SH3KBP1: variants seen among roughly 807,000 people sequenced by gnomAD.
The protein encoded by SH3KBP1 is SH3 domain-containing kinase-binding protein 1.
SH3KBP1 carries 8 observed loss-of-function variants against 50.1 expected under a neutral mutation model. That is an observed-to-expected ratio of 0.16 (90% CI 0.09 to 0.29). SH3KBP1 has a LOEUF of 0.29. Ranked by LOEUF, SH3KBP1 falls within the 10% of genes least tolerant of loss-of-function variation. The pLI is 1.00. For synonymous variants in SH3KBP1, 227 were observed against 218.6 expected (o/e 1.04, Z -0.34); for missense variants, 377 against 535.2 (o/e 0.70, Z 2.92).
At position 19,602,915 on chromosome X, in the gene SH3KBP1, C is replaced by T. The variant is rs140713126; in HGVS notation, c.1005+5023G>A. 5.0e-3 allele frequency among the ~76,000 whole-genome samples: 555 copies of T among 111,466 alleles called. 2 individuals are homozygous for T. Among genetic ancestry groups the T allele is most frequent in the African/African-American group, 0.017 (521 of 30,638 alleles). ...AGCAAAATTCGGCCATTGTGGGAAT[C>T]GAGCAAGAGACTTCCTTTCTTGCAA... is the stretch of plus-strand genomic sequence containing the variant. On this transcript the variant is annotated intron_variant, in intron 9 of 17. Transcript: ENST00000397821.
intron 8 of SH3KBP1, among the ~76,000 whole-genome samples, chrX:19,621,384 C>T (rs756889748): frequency 1.8e-4 from 20 of 109,337 alleles, no homozygotes; most frequent in African/African-American, 6.7e-4. Context: ...CCACCATGCC[C>T]GGTCGCCAAC....
intron 16 of SH3KBP1, 90 bp downstream of exon 16, chrX:19,541,835 G>A (rs777293750): frequency 3.7e-6 from 4 of 1,073,609 alleles, no homozygotes; most frequent in Middle Eastern, 2.6e-4. Context: ...CGCCCTCCAA[G>A]GCAGGCTGGG....
chrX:19,851,802 G>A (rs1054200061), intron 1 of SH3KBP1, among the ~76,000 whole-genome samples: 2 of 112,067 alleles, frequency 1.8e-5, no homozygotes, highest in African/African-American at 6.5e-5. Flanking sequence ...GCCCTGAGTA[G>A]CTGGGATTAC....
intron 1 of SH3KBP1, among the ~76,000 whole-genome samples, chrX:19,862,675 A>T (rs1046876162): frequency 9.0e-6 from 1 of 111,010 alleles, no homozygotes; most frequent in East Asian, 2.8e-4. Context: ...AAAAAAAAAA[A>T]TTTAAATCCA....
intron 6 of SH3KBP1, among the ~76,000 whole-genome samples, chrX:19,659,790 C>T (rs2062404388): frequency 8.9e-6 from 1 of 112,356 alleles, no homozygotes; most frequent in African/African-American, 3.2e-5. Context: ...CTCACCTCCC[C>T]CATGTTCCTA....
At chrX:19,553,009 G>T (rs974082836) in intron 13 of SH3KBP1, among the ~76,000 whole-genome samples, 14 of 111,449 alleles carry the variant, frequency 1.3e-4, no homozygotes, top group Non-Finnish European at 1.7e-4. Flanking sequence ...GTGCTGGCCC[G>T]ATTTGGAGGG....
At position 19,535,726 on chromosome X, in the gene SH3KBP1, A is replaced by T. The variant is rs2064690962; in HGVS notation, c.*691T>A. 1 of 110,923 alleles carries T rather than the reference A, an allele frequency of 9.0e-6. No homozygotes were observed. Among genetic ancestry groups the T allele is most frequent in the Non-Finnish European group, 1.9e-5 (1 of 52,941 alleles). The allele number at this position is 110,923 out of a possible 1,213,427, so 9.1% of individuals were successfully genotyped here. ...TTTTAATTTTTAATTTTTTTGAATC[A>T]TGGTAGCTGCATCACAAAAGCTCCA... On this transcript the variant is annotated 3_prime_UTR_variant, in exon 18 of 18. Transcript: ENST00000397821.
At chrX:19,717,131 C>T (rs2063931623) in intron 3 of SH3KBP1, among the ~76,000 whole-genome samples, 2 of 110,980 alleles carry the variant, frequency 1.8e-5, no homozygotes, top group African/African-American at 6.6e-5. Context: ...GAAAGAATTA[C>T]ACACCCAGAG....
chrX:19,721,609 T>C (rs2148724362), intron 3 of SH3KBP1, among the ~76,000 whole-genome samples: 1 of 111,733 alleles, frequency 8.9e-6, no homozygotes, highest in East Asian at 2.8e-4. Context: ...TTACCAACAT[T>C]ATTCTGAAAA....
chrX:19,872,123 A>T (rs961854900), intron 1 of SH3KBP1, among the ~76,000 whole-genome samples: 1 of 108,113 alleles, frequency 9.2e-6, no homozygotes, highest in African/African-American at 3.4e-5. Flanking sequence ...ATGGTGACGC[A>T]TGGCTGTAAT....
intron 6 of SH3KBP1, among the ~76,000 whole-genome samples, chrX:19,675,969 A>G (rs1360160006): frequency 8.9e-6 from 1 of 111,794 alleles, no homozygotes; most frequent in Admixed American, 9.5e-5. Flanking sequence ...CTGAGGAGAG[A>G]GAAGCCAAAG....
chrX:19,797,846 C>T (rs922213806), intron 2 of SH3KBP1, among the ~76,000 whole-genome samples: 1 of 109,067 alleles, frequency 9.2e-6, no homozygotes, highest in Non-Finnish European at 1.9e-5. Context: ...ATATAAAGCA[C>T]ATAGTACAGT....
At chrX:19,670,920 C>T in intron 6 of SH3KBP1, 4 of 1,159,600 alleles carry the variant, frequency 3.4e-6, no homozygotes, top group South Asian at 2.0e-5. Context: ...CCCAGAACTC[C>T]CCTGGAATCC....
intron 1 of SH3KBP1, among the ~76,000 whole-genome samples, chrX:19,843,883 C>T (rs2068292998): frequency 9.0e-6 from 1 of 111,684 alleles, no homozygotes; most frequent in Non-Finnish European, 1.9e-5. Context: ...TAAGGATACT[C>T]TTGTCACTTG....
At chrX:19,799,352 A>G (rs1269820291) in intron 2 of SH3KBP1, among the ~76,000 whole-genome samples, 3 of 111,538 alleles carry the variant, frequency 2.7e-5, no homozygotes, top group African/African-American at 9.8e-5. Flanking sequence ...CAGATGACAG[A>G]GCTATTCAAA....
At chrX:19,742,697 C>A (rs983328127) in intron 3 of SH3KBP1, among the ~76,000 whole-genome samples, 1 of 111,173 alleles carries the variant, frequency 9.0e-6, no homozygotes, top group Non-Finnish European at 1.9e-5. Flanking sequence ...TAGGAGGGCC[C>A]ATCATTCTCT....
intron 8 of SH3KBP1, among the ~76,000 whole-genome samples, chrX:19,621,826 C>G (rs1451880674): frequency 1.8e-5 from 2 of 111,403 alleles, no homozygotes; most frequent in Non-Finnish European, 3.8e-5. Flanking sequence ...TTGCCAAACC[C>G]TGTTCTAGGA....
intron 2 of SH3KBP1, among the ~76,000 whole-genome samples, chrX:19,800,486 A>G (rs1002345770): frequency 4.5e-5 from 5 of 112,038 alleles, no homozygotes; most frequent in African/African-American, 1.6e-4. Flanking sequence ...TAATAACTAG[A>G]TAGGAATGAT....
At chrX:19,546,196 G>T in intron 14 of SH3KBP1, 146 bp from the exon 15 acceptor site, 1 of 611,539 alleles carries the variant, frequency 1.6e-6, no homozygotes, top group Non-Finnish European at 2.5e-6. Flanking sequence ...AAAGTGTGCT[G>T]TTATGCACGC....
Sources: gnomAD v4.1 joint callset for allele counts (sites outside exome capture counted in the v4.1 genomes callset) on GRCh38, gnomAD v4.1.1 for gene constraint, MANE v1.5 for transcripts, NCBI Gene and HGNC (gene_info 2026-07-23, HGNC 2026-07-21) for gene names.